ABHD17C: variants seen among roughly 807,000 people sequenced by gnomAD.
ABHD17C encodes alpha/beta hydrolase domain-containing protein 17C.
A neutral mutation model predicts 27.9 loss-of-function variants in ABHD17C; 11 were observed. The ratio of observed to expected loss-of-function variants is 0.39; its 90% CI spans 0.25 to 0.65. ABHD17C has a LOEUF of 0.65. ABHD17C is among the 30% of genes least tolerant of loss of function. The pLI, the probability that ABHD17C is intolerant of heterozygous loss-of-function variation, is 0.45. For synonymous variants in ABHD17C, 233 were observed against 209.1 expected, an observed-to-expected ratio of 1.11 and a Z score of -0.98; for missense variants, 280 against 470.2, an observed-to-expected ratio of 0.60 and a Z score of 3.74.
chr15:80,724,948 T>A (rs1894952322), intron 1 of ABHD17C, among the ~76,000 whole-genome samples: 1 of 152,222 alleles, frequency 6.6e-6, no homozygotes, highest in African/African-American at 2.4e-5. Context: ...AAAGGTCTTT[T>A]AAATCCTGCA....
In ABHD17C at chr15:80,695,595, GC is replaced by G; in HGVS notation, c.170del (p.Pro57ArgfsTer144). ...GGAGCAGCGCGGCGCCGGCGCGTCCGCCCCGGCCCCGGCCCAGGCTACCGCC... is the reference window on the plus strand; with the variant it reads ...GGAGCAGCGCGGCGCCGGCGCGTCCGCCCGGCCCCGGCCCAGGCTACCGCC... ...APEQRGAGAS[A>X]PAPAQATAAA... is the part of the protein sequence containing the mutation. On this transcript the variant is annotated frameshift_variant, in exon 1 of 3. Transcript: ENST00000258884. LOFTEE classifies it high-confidence loss of function. The surrounding 1 kb of genome is among the most constrained non-coding windows in gnomAD (Gnocchi z 4.3). 1 of 1,097,876 alleles carries G rather than the reference GC, an allele frequency of 9.1e-7. No individual in the cohort carries two copies. Among genetic ancestry groups the G allele is most frequent in the Non-Finnish European group, 1.1e-6 (1 of 904,256 alleles). 68.0% of individuals were successfully genotyped at this position (1,097,876 alleles called of 1,614,324 possible). A position where few individuals can be genotyped will look rare whatever the true frequency, so the allele number is the denominator to read the frequency against.
At chr15:80,712,156 T>C (rs769627258) in intron 1 of ABHD17C, among the ~76,000 whole-genome samples, 13 of 152,358 alleles carry the variant, frequency 8.5e-5, no homozygotes, top group Non-Finnish European at 1.5e-4. Context: ...CCTGGACTCC[T>C]CCGTTGGAAT....
rs114807336 is a variant in ABHD17C, at chr15:80,712,760, G to T, written c.590+16741G>T. Among the ~76,000 whole-genome samples the T allele has an allele frequency of 3.7e-3, 559 of 152,296 alleles. 5 individuals carry two copies. The highest frequency in any genetic ancestry group is 0.013 in the African/African-American group (530 of 41,554). On this transcript the variant is annotated intron_variant, in intron 1 of 2. Coordinates refer to ENST00000258884, the MANE Select transcript of ABHD17C (RefSeq NM_021214.2). ...GTTGAAGGATATGCCTATACTTCAA[G>T]TGTCACTTGATAATGAAAATGCAGA...
At position 80,695,547 on chromosome 15, in the gene ABHD17C, C is replaced by T; in HGVS notation, c.118C>T (p.Pro40Ser). The T allele has an allele frequency of 7.5e-7, 1 of 1,341,762 alleles. No individual in the cohort carries two copies. The highest frequency in any genetic ancestry group is 1.6e-5 in the African/African-American group (1 of 64,088). The allele number at this position is 1,341,762 out of a possible 1,614,324, so 83.1% of individuals were successfully genotyped here. Reference sequence around the variant, plus strand: ...CAAGCTGGCCTTCCTGCCGCCCGAGCCCACCTACACGGTGCTGGCGCCGGA... The same window carrying T: ...CAAGCTGGCCTTCCTGCCGCCCGAGTCCACCTACACGGTGCTGGCGCCGGA... The part of the protein sequence containing the change: ...AAKLAFLPPE[P>S]TYTVLAPEQR... The change falls in exon 1 of 3, where the codon CCC (proline) becomes TCC (serine). Residue 40 changes from proline (P) to serine (S), a missense_variant. Physicochemically the swap from Pro to Ser is moderately conservative, Grantham distance 74. Transcript: ENST00000258884. The surrounding 1 kb of genome is among the most constrained non-coding windows in gnomAD (Gnocchi z 4.3).
chr15:80,754,106 A>G (rs1895401011), intron 2 of ABHD17C, 45 bp from the exon 3 acceptor site: 1 of 1,440,312 alleles, frequency 6.9e-7, no homozygotes, highest in South Asian at 1.1e-5. Context: ...CTGTGAGCAT[A>G]ACTAATGGAG....
intron 2 of ABHD17C, among the ~76,000 whole-genome samples, chr15:80,750,147 T>C (rs2141524262): frequency 6.6e-6 from 1 of 152,336 alleles, no homozygotes; most frequent in East Asian, 1.9e-4. Context: ...ACTTTTTCAG[T>C]TGGACAGTAC....
rs1375186802 is a variant in ABHD17C, at chr15:80,695,620, C to T, written c.191C>T (p.Ala64Val). Residue 64 changes from alanine to valine, a missense_variant, in exon 1 of 3, where the codon GCC becomes GTC. Around this residue, in one of 2 missense-constraint regions of ABHD17C, gnomAD observed 206 missense variants for 394.7 expected, o/e 0.52. Transcript: ENST00000258884. This position sits in a 1 kb window ranked among gnomAD's most constrained non-coding sequence, Gnocchi z 4.3. ...ASAPAPAQAT[A>V]AAAAAQPAPQ... ...GCCCCGGCCCCGGCCCAGGCTACCG[C>T]CGCCGCCGCCGCGGCCCAGCCGGCA... The T allele has an allele frequency of 8.5e-7, 1 of 1,181,406 alleles. No homozygotes were observed. The highest frequency in any genetic ancestry group is 3.7e-5 in the East Asian group (1 of 26,876). 73.2% of individuals were successfully genotyped at this position (1,181,406 alleles called of 1,614,324 possible). A position where few individuals can be genotyped will look rare whatever the true frequency, so the allele number is the denominator to read the frequency against.
intron 1 of ABHD17C, among the ~76,000 whole-genome samples, chr15:80,733,085 G>T (rs940992445): frequency 2.0e-5 from 3 of 152,168 alleles, no homozygotes; most frequent in Non-Finnish European, 4.4e-5. Flanking sequence ...CTATGGCCGT[G>T]GAGAGGGTGC....
intron 1 of ABHD17C, among the ~76,000 whole-genome samples, chr15:80,742,067 C>T (rs886655742): frequency 2.6e-5 from 4 of 152,188 alleles, no homozygotes; most frequent in African/African-American, 9.7e-5. Context: ...TATTTTCAGA[C>T]TGCAGTTGAG....
chr15:80,699,944 ATAAG>A (rs1894548237), intron 1 of ABHD17C, among the ~76,000 whole-genome samples: 1 of 152,260 alleles, frequency 6.6e-6, no homozygotes, highest in South Asian at 2.1e-4. Flanking sequence ...GGTAAGAAAT[ATAAG>A]TATGTTGTGA....
intron 1 of ABHD17C, among the ~76,000 whole-genome samples, chr15:80,708,122 G>C (rs1018870782): frequency 6.6e-6 from 1 of 152,182 alleles, no homozygotes; most frequent in East Asian, 1.9e-4. Flanking sequence ...AGAGTCCTCT[G>C]TGGTCCCTTT....
intron 1 of ABHD17C, among the ~76,000 whole-genome samples, chr15:80,699,255 G>A (rs534348940): frequency 6.6e-6 from 1 of 152,338 alleles, no homozygotes; most frequent in South Asian, 2.1e-4. Flanking sequence ...TTGGCAAAAT[G>A]TCTTAAAATA....
chr15:80,713,380 T>TTTTTTTTTTTC, intron 1 of ABHD17C, among the ~76,000 whole-genome samples: 1 of 145,880 alleles, frequency 6.9e-6, no homozygotes, highest in East Asian at 2.0e-4. Flanking sequence ...TTTTTTTTTT[T>TTTTTTTTTTTC]TTCAAAATCA....
At chr15:80,720,656 C>T (rs190547250) in intron 1 of ABHD17C, among the ~76,000 whole-genome samples, 111 of 152,280 alleles carry the variant, frequency 7.3e-4, no homozygotes, top group African/African-American at 2.6e-3. Context: ...CGCAGTGGCT[C>T]ATGCCTGTAA....
Position 80,701,761 on chromosome 15 carries a change from T to C in ABHD17C, c.590+5742T>C, listed in dbSNP as rs138097041. ...ATATTTCTACAAAGGAAATAGAATG[T>C]TGGCTTGCAATTCAAGGCAGCCAGT... is the stretch of plus-strand genomic sequence containing the variant. On this transcript the variant is annotated intron_variant, in intron 1 of 2. Coordinates refer to ENST00000258884, the MANE Select transcript of ABHD17C (RefSeq NM_021214.2). 7.4e-3 allele frequency among the ~76,000 whole-genome samples: 1,129 copies of C among 152,266 alleles called. 15 individuals carry two copies. Among genetic ancestry groups the C allele is most frequent in the African/African-American group, 0.026 (1,081 of 41,548 alleles).
intron 1 of ABHD17C, among the ~76,000 whole-genome samples, chr15:80,745,094 A>G (rs1354719670): frequency 2.6e-5 from 4 of 152,200 alleles, no homozygotes; most frequent in African/African-American, 7.2e-5. Context: ...AAAAGTTCAT[A>G]AAATACAGAT....
At chr15:80,718,638 T>G (rs1002452367) in intron 1 of ABHD17C, among the ~76,000 whole-genome samples, 6 of 152,134 alleles carry the variant, frequency 3.9e-5, no homozygotes, top group Non-Finnish European at 7.3e-5. Flanking sequence ...CCCAGCCGCT[T>G]CTTGTAATTT....
intron 1 of ABHD17C, among the ~76,000 whole-genome samples, chr15:80,741,156 C>T (rs945277163): frequency 6.6e-6 from 1 of 152,074 alleles, no homozygotes; most frequent in African/African-American, 2.4e-5. Context: ...TGTCTTGGCT[C>T]CCCAGTTAGA....
intron 1 of ABHD17C, among the ~76,000 whole-genome samples, chr15:80,706,225 A>G (rs984949156): frequency 3.3e-5 from 5 of 152,216 alleles, no homozygotes; most frequent in Admixed American, 6.5e-5. Flanking sequence ...GCTCTGTGTA[A>G]TGGAGCTCAT....
Sources: allele counts gnomAD v4.1 joint callset (sites outside exome capture counted in the v4.1 genomes callset), GRCh38; gene constraint gnomAD v4.1.1; regional missense constraint gnomAD v4.1.1; non-coding constraint Gnocchi (gnomAD v3.1); transcripts MANE v1.5; gene names NCBI Gene and HGNC (gene_info 2026-07-23, HGNC 2026-07-21).